Variants in SLCO3A1 observed in about 807,000 individuals in gnomAD.
The protein encoded by SLCO3A1 is PGE1 transporter.
Under a neutral mutation model 63.1 loss-of-function variants are expected in SLCO3A1, and 27 were observed. That is an observed-to-expected ratio of 0.43 (90% CI 0.32 to 0.59). The LOEUF (loss-of-function observed/expected upper bound fraction) is 0.59. SLCO3A1 is among the 20% of genes least tolerant of loss of function. The pLI, the probability that SLCO3A1 is intolerant of heterozygous loss-of-function variation, is 0.09. For synonymous variants in SLCO3A1, 473 were observed against 409.9 expected (o/e 1.15, Z -1.86); for missense variants, 773 against 945.8 (o/e 0.82, Z 2.40).
rs1348321692 is a variant in SLCO3A1 at position 91,856,415 on chromosome 15, G to T, written c.180+2327G>T. Among the ~76,000 whole-genome samples, 1 of 152,192 alleles carries T rather than the reference G, an allele frequency of 6.6e-6. No individual in the cohort carries two copies. The highest frequency in any genetic ancestry group is 2.4e-5 in the African/African-American group (1 of 41,442). Reference sequence around the variant, plus strand: ...ATGAAAATAAATAGTTGGCTTGTCAGGGTTGACTGACGCAGCTTGCTATGG... The same window carrying T: ...ATGAAAATAAATAGTTGGCTTGTCATGGTTGACTGACGCAGCTTGCTATGG... On this transcript the variant is annotated intron_variant, in intron 1 of 9. Coordinates refer to ENST00000318445, the MANE Select transcript of SLCO3A1 (RefSeq NM_013272.4). This position sits in a 1 kb window ranked among gnomAD's most constrained non-coding sequence, Gnocchi z 4.9.
chr15:92,141,530 C>T (rs2048131901), intron 7 of SLCO3A1, among the ~76,000 whole-genome samples: 1 of 152,174 alleles, frequency 6.6e-6, no homozygotes, highest in African/African-American at 2.4e-5. Flanking sequence ...TGTCTCACAT[C>T]CAGCTTTTCA....
At chr15:91,858,563 G>T (rs1389581597) in intron 1 of SLCO3A1, among the ~76,000 whole-genome samples, 1 of 152,184 alleles carries the variant, frequency 6.6e-6, no homozygotes, top group Non-Finnish European at 1.5e-5. Context: ...GCTCTATCCT[G>T]CATTTTGTTA....
rs576889807 is a variant in SLCO3A1 at position 92,037,672 on chromosome 15, TCTCA to T, written c.647-57206_647-57203del. On this transcript the variant is annotated intron_variant, in intron 2 of 9. Coordinates refer to ENST00000318445, the MANE Select transcript of SLCO3A1 (RefSeq NM_013272.4). Reference sequence around the variant, plus strand: ...TCACTTTATCGTCATTCATTCTTATTCTCACTGTCAAGCCAACTGTGTAATCCCC... The same window carrying T: ...TCACTTTATCGTCATTCATTCTTATTCTGTCAAGCCAACTGTGTAATCCCC... Among the ~76,000 whole-genome samples, 193 of 152,360 alleles carry T rather than the reference TCTCA, an allele frequency of 1.3e-3. 1 individual carries two copies. The highest frequency in any genetic ancestry group is 4.6e-3 in the African/African-American group (192 of 41,582).
intron 2 of SLCO3A1, among the ~76,000 whole-genome samples, chr15:92,038,210 T>C (rs2046751590): frequency 6.6e-6 from 1 of 152,202 alleles, no homozygotes; most frequent in Non-Finnish European, 1.5e-5. Context: ...GATCCCAGTC[T>C]GAACAACCTT....
intron 3 of SLCO3A1, 124 bp downstream of exon 3, chr15:92,095,103 T>G (rs1596095988): frequency 1.5e-6 from 1 of 655,210 alleles, no homozygotes; most frequent in Non-Finnish European, 2.8e-6. Flanking sequence ...CCTGCCTCTG[T>G]AGCTGGGGCT....
chr15:91,873,855 C>T (rs955833007), intron 1 of SLCO3A1, among the ~76,000 whole-genome samples: 4 of 152,166 alleles, frequency 2.6e-5, no homozygotes, highest in Non-Finnish European at 5.9e-5. Context: ...TAAACAGCCA[C>T]AAACCAATTC....
chr15:91,946,444 C>T (rs1158470988), intron 2 of SLCO3A1, among the ~76,000 whole-genome samples: 1 of 152,214 alleles, frequency 6.6e-6, no homozygotes, highest in African/African-American at 2.4e-5. Flanking sequence ...TAGACAGAAA[C>T]ATCCTTCAGA....
Position 92,163,029 on chromosome 15 carries a change from A to G in SLCO3A1, c.2027A>G (p.Asp676Gly). The G allele has an allele frequency of 1.2e-6, 2 of 1,605,024 alleles. No individual in the cohort carries two copies. Among genetic ancestry groups the G allele is most frequent in the Non-Finnish European group, 1.7e-6 (2 of 1,174,884 alleles). Residue 676 changes from aspartate to glycine, a missense_variant, in exon 10 of 10, where the codon GAC (aspartate) becomes GGC (glycine). Asp to Gly is a moderately conservative substitution (Grantham distance 94). Around this residue, in one of 3 missense-constraint regions of SLCO3A1, gnomAD observed 139 missense variants for 131.4 expected, o/e 1.06. Transcript: ENST00000318445. ...TTCTTTGCCTCTACTCTGACCCTAG[A>G]CAACCTGGGGAGGGACCCTGTGCCC... ...SEFFASTLTL[D>G]NLGRDPVPAN... is the part of the protein sequence containing the mutation.
At chr15:92,151,567 A>T (rs2048306400) in intron 9 of SLCO3A1, among the ~76,000 whole-genome samples, 1 of 152,116 alleles carries the variant, frequency 6.6e-6, no homozygotes, top group Admixed American at 6.5e-5. Flanking sequence ...TTTTTAAGAT[A>T]GGCAAAAGGA....
At chr15:92,050,612 C>T (rs1303532503) in intron 2 of SLCO3A1, among the ~76,000 whole-genome samples, 3 of 152,220 alleles carry the variant, frequency 2.0e-5, no homozygotes, top group African/African-American at 4.8e-5. Context: ...ACATCTCTAT[C>T]TTCTGTCCAC....
chr15:92,170,672 T>C (rs1334024427), downstream of SLCO3A1, among the ~76,000 whole-genome samples: 4 of 152,206 alleles, frequency 2.6e-5, no homozygotes, highest in Admixed American at 2.0e-4. Context: ...TATTGTTTCA[T>C]AGAGAAGTGA....
At chr15:92,055,228 G>A (rs2047007456) in intron 2 of SLCO3A1, among the ~76,000 whole-genome samples, 1 of 151,866 alleles carries the variant, frequency 6.6e-6, no homozygotes, top group South Asian at 2.1e-4. Flanking sequence ...CATGTTTGTT[G>A]GCTGCATAAA....
At chr15:91,987,742 TAA>T (rs35508138) in intron 2 of SLCO3A1, among the ~76,000 whole-genome samples, 16 of 138,450 alleles carry the variant, frequency 1.2e-4, no homozygotes, top group South Asian at 2.3e-4. Flanking sequence ...AGACTTTGTC[TAA>T]AAAAAAAAAA....
chr15:92,064,291 GT>G (rs1212592682), intron 2 of SLCO3A1, among the ~76,000 whole-genome samples: 1 of 151,994 alleles, frequency 6.6e-6, no homozygotes, highest in Non-Finnish European at 1.5e-5. Context: ...CAATTACTTA[GT>G]TTTTTTTGCT....
intron 7 of SLCO3A1, among the ~76,000 whole-genome samples, chr15:92,129,099 G>A (rs552516765): frequency 6.6e-6 from 1 of 152,246 alleles, no homozygotes; most frequent in East Asian, 1.9e-4. Context: ...TCATCCATTG[G>A]TGCTGATCCC....
At position 91,910,735 on chromosome 15, in the gene SLCO3A1, T is replaced by A. The variant is rs1898459093; in HGVS notation, c.181-5258T>A. Among the ~76,000 whole-genome samples, 3 of 152,110 alleles carry A rather than the reference T, an allele frequency of 2.0e-5. No individual in the cohort carries two copies. In the South Asian group the frequency reaches 6.2e-4, roughly 32 times the overall value. On this transcript the variant is annotated intron_variant, in intron 1 of 9. Coordinates refer to ENST00000318445, the MANE Select transcript of SLCO3A1 (RefSeq NM_013272.4). ...TGTAAACATCCATGCATGCACAACCTCTCTGCCACCTGATACACATGCACA... is the reference window on the plus strand; with the variant it reads ...TGTAAACATCCATGCATGCACAACCACTCTGCCACCTGATACACATGCACA...
At chr15:92,128,272 G>A in intron 6 of SLCO3A1, 79 bp from the exon 7 acceptor site, 5 of 1,566,032 alleles carry the variant, frequency 3.2e-6, no homozygotes, top group Non-Finnish European at 4.4e-6. Context: ...TCACAACAGA[G>A]GCAAAAGGCT....
rs144684047 is a variant in SLCO3A1, at chr15:92,021,426, A to T, written c.647-73455A>T. ...GAGAGACAAAATGAGTAAATAGCTG[A>T]TGGGTGAATTCATAAACAAAATAAT... On this transcript the variant is annotated intron_variant, in intron 2 of 9. Coordinates refer to ENST00000318445, the MANE Select transcript of SLCO3A1 (RefSeq NM_013272.4). Among the ~76,000 whole-genome samples, 631 of 152,304 alleles carry T rather than the reference A, an allele frequency of 4.1e-3. 8 individuals are homozygous for T. Among genetic ancestry groups the T allele is most frequent in the African/African-American group, 0.014 (583 of 41,572 alleles).
chr15:92,079,751 T>C (rs2047320486), intron 2 of SLCO3A1, among the ~76,000 whole-genome samples: 1 of 152,210 alleles, frequency 6.6e-6, no homozygotes, highest in South Asian at 2.1e-4. Flanking sequence ...CTTTGAGGGG[T>C]GAGTGCCTCG....
Sources: allele counts gnomAD v4.1 joint callset (sites outside exome capture counted in the v4.1 genomes callset), GRCh38; gene constraint gnomAD v4.1.1; regional missense constraint gnomAD v4.1.1; non-coding constraint Gnocchi (gnomAD v3.1); transcripts MANE v1.5; gene names NCBI Gene and HGNC (gene_info 2026-07-23, HGNC 2026-07-21).